Variants in NDUFS2 observed in about 807,000 individuals in gnomAD.
NDUFS2 encodes NADH dehydrogenase [ubiquinone] iron-sulfur protein 2, mitochondrial.
In NDUFS2, 38 loss-of-function variants were observed where a neutral mutation model predicts 69.6. The observed-to-expected ratio is 0.55, with a 90% CI of 0.42 to 0.72. NDUFS2 has a LOEUF of 0.72. Among genes scored for constraint, NDUFS2 ranks in the 30% least tolerant of loss-of-function variants. The probability of loss-of-function intolerance (pLI) is 0.00; values close to 1 mark genes in which losing one functional copy is unlikely to be tolerated. For missense variants in NDUFS2, 468 were observed against 595.0 expected, an observed-to-expected ratio of 0.79 and a Z score of 2.22; for synonymous variants, 194 against 211.2, an observed-to-expected ratio of 0.92 and a Z score of 0.70.
intron 3 of NDUFS2, among the ~76,000 whole-genome samples, chr1:161,207,016 A>G (rs16832694): frequency 0.072 from 10,926 of 152,278 alleles, 445 homozygotes; most frequent in South Asian, 0.14. Flanking sequence ...AAAACATTCA[A>G]TGAGTCACAG....
chr1:161,209,357 A>C lies in NDUFS2; in HGVS notation c.514+44A>C, dbSNP rs200342148. The C allele has an allele frequency of 2.0e-5, 33 of 1,613,920 alleles. No homozygotes were observed. In the African/African-American group the frequency reaches 3.6e-4, roughly 18 times the overall value. The stretch of plus-strand genomic sequence containing the variant: ...TTCTGTGGCCCACTGTGAGCATAGC[A>C]TAGTGCCTTTTCCACCACTTCCCCG... On this transcript the variant is annotated intron_variant, in intron 4 of 13. Coordinates refer to ENST00000676972, the MANE Select transcript of NDUFS2 (RefSeq NM_001377299.1).
At chr1:161,208,695 CA>C (rs1425292539) in intron 3 of NDUFS2, among the ~76,000 whole-genome samples, 1 of 152,244 alleles carries the variant, frequency 6.6e-6, no homozygotes, top group African/African-American at 2.4e-5. Flanking sequence ...AGTTGTTGAA[CA>C]TAGCCATTGT....
In NDUFS2 at chr1:161,212,285, C is replaced by T. The variant is rs114007509; in HGVS notation, c.987-66C>T. The stretch of plus-strand genomic sequence containing the variant: ...AACCCTTTTGAGGTTGGCCAAAGGG[C>T]ATCCTTCCTAGCCCCATACCTGCTC... On this transcript the variant is annotated intron_variant, in intron 9 of 13. Coordinates refer to ENST00000676972, the MANE Select transcript of NDUFS2 (RefSeq NM_001377299.1). 1.1e-3 allele frequency: 1,781 copies of T among 1,605,548 alleles called. 31 individuals are homozygous for T. In the African/African-American group the frequency reaches 0.021, roughly 19 times the overall value.
chr1:161,211,032 G>A (rs540496927), intron 9 of NDUFS2, among the ~76,000 whole-genome samples: 4 of 152,062 alleles, frequency 2.6e-5, no homozygotes, highest in African/African-American at 4.8e-5. Context: ...GAGCCACCAC[G>A]CTCAGCTAAT....
At chr1:161,198,052 G>T (rs959554011), upstream of NDUFS2, 1 of 1,603,906 alleles carries the variant, frequency 6.2e-7, no homozygotes, top group Non-Finnish European at 8.5e-7. The surrounding 1 kb of genome is among the most constrained non-coding windows in gnomAD (Gnocchi z 4.7). Context: ...CGTTGCACAT[G>T]GGACCTTGAC....
Position 161,207,851 on chromosome 1 carries a change from C to T in NDUFS2, c.393+1254C>T, listed in dbSNP as rs375261708. 6.6e-5 allele frequency among the ~76,000 whole-genome samples: 10 copies of T among 150,894 alleles called. No homozygotes were observed. The South Asian group carries it at 1.7e-3, about 25-fold the overall frequency. ...TTTTCCCTACGGAGTCTCGCTCTGTCGCCCAGGCTGGAGTGCAGTGGCGTG... is the reference window on the plus strand; with the variant it reads ...TTTTCCCTACGGAGTCTCGCTCTGTTGCCCAGGCTGGAGTGCAGTGGCGTG... On this transcript the variant is annotated intron_variant, in intron 3 of 13. Transcript: ENST00000676972.
chr1:161,204,851 G>C (rs1665369295), intron 2 of NDUFS2, among the ~76,000 whole-genome samples: 1 of 152,128 alleles, frequency 6.6e-6, no homozygotes, highest in Non-Finnish European at 1.5e-5. Context: ...AGGAGTTCAA[G>C]ACCAGCCTGG....
chr1:161,208,119 G>A (rs1434438638), intron 3 of NDUFS2, among the ~76,000 whole-genome samples: 1 of 151,300 alleles, frequency 6.6e-6, no homozygotes, highest in Non-Finnish European at 1.5e-5. Context: ...CAAATAGCTG[G>A]GATTACAGGT....
chr1:161,211,701 C>A (rs77230296), intron 9 of NDUFS2, among the ~76,000 whole-genome samples: 11,437 of 150,258 alleles, frequency 0.076, 479 homozygotes, highest in South Asian at 0.17. Context: ...GTTTTCTCAC[C>A]CTGAGTCAGA....
rs774162709 is a variant in NDUFS2 at position 161,203,499 on chromosome 1, A to G, written c.158A>G (p.Tyr53Cys). The change falls in exon 2 of 14, where the codon TAC (tyrosine) becomes TGC (cysteine). Residue 53 changes from tyrosine (Y) to cysteine (C), a missense_variant. Physicochemically the swap from Tyr to Cys is radical, Grantham distance 194. Around this residue, in one of 3 missense-constraint regions of NDUFS2, gnomAD observed 339 missense variants for 433.8 expected, o/e 0.78. Transcript: ENST00000676972. ...WAQQFGGAVM[Y>C]PSKETAHWKP... ...CAGCAGTTTGGGGGAGCTGTTATGTACCCAAGCAAAGAAACAGCCCACTGG... is the reference window on the plus strand; with the variant it reads ...CAGCAGTTTGGGGGAGCTGTTATGTGCCCAAGCAAAGAAACAGCCCACTGG... The G allele has an allele frequency of 3.2e-5, 51 of 1,613,924 alleles. No homozygotes were observed. Among genetic ancestry groups the G allele is most frequent in the Non-Finnish European group, 4.1e-5 (48 of 1,180,010 alleles).
At chr1:161,203,847 C>T (rs1429076775) in intron 2 of NDUFS2, 2 of 401,782 alleles carry the variant, frequency 5.0e-6, no homozygotes, top group East Asian at 1.1e-4. Context: ...GGTAATCCTC[C>T]CAACTCAGCC....
intron 3 of NDUFS2, among the ~76,000 whole-genome samples, chr1:161,207,217 A>G (rs1004222499): frequency 6.6e-6 from 1 of 152,212 alleles, no homozygotes; most frequent in Non-Finnish European, 1.5e-5. Context: ...CGGGGTGAAC[A>G]GTGACTAGAA....
intron 3 of NDUFS2, among the ~76,000 whole-genome samples, chr1:161,206,844 G>T (rs1665496220): frequency 6.6e-6 from 1 of 152,172 alleles, no homozygotes; most frequent in Non-Finnish European, 1.5e-5. Flanking sequence ...TGACTTTTTG[G>T]CAGGCCCCTT....
intron 10 of NDUFS2, chr1:161,212,755 C>T: frequency 2.7e-6 from 1 of 370,648 alleles, no homozygotes; most frequent in East Asian, 6.8e-5. Flanking sequence ...GACAGGGTTT[C>T]ACCATATTGG....
At chr1:161,211,059 G>A (rs1461687114) in intron 9 of NDUFS2, among the ~76,000 whole-genome samples, 4 of 152,126 alleles carry the variant, frequency 2.6e-5, no homozygotes, top group Non-Finnish European at 4.4e-5. Context: ...ATTTTTAGTA[G>A]AGACGGGATT....
At chr1:161,212,325 C>T (rs1254534404) in intron 9 of NDUFS2, 26 bp from the exon 10 acceptor site, 2 of 1,613,022 alleles carry the variant, frequency 1.2e-6, no homozygotes, top group Non-Finnish European at 1.7e-6. Flanking sequence ...GACTGTTCTT[C>T]TCTTGCTCTG....
Position 161,209,355 on chromosome 1 carries a change from G to A in NDUFS2, c.514+42G>A, listed in dbSNP as rs1665645539. ...TTTTCTGTGGCCCACTGTGAGCATAGCATAGTGCCTTTTCCACCACTTCCC... is the reference window on the plus strand; with the variant it reads ...TTTTCTGTGGCCCACTGTGAGCATAACATAGTGCCTTTTCCACCACTTCCC... On this transcript the variant is annotated intron_variant, in intron 4 of 13. Transcript: ENST00000676972. 3.7e-6 allele frequency: 6 copies of A among 1,613,920 alleles called. No individual in the cohort carries two copies. The African/African-American group carries it at 5.3e-5, about 14-fold the overall frequency.
At chr1:161,202,549 C>T in intron 1 of NDUFS2, 69 bp downstream of exon 1, 2 of 1,428,410 alleles carry the variant, frequency 1.4e-6, no homozygotes, top group East Asian at 2.4e-5. Context: ...GGACGCTTTA[C>T]TCCCCCAGAA....
Position 161,212,384 on chromosome 1 carries a change from C to T in NDUFS2, c.1020C>T (p.Ser340=). The part of the protein sequence containing the change: ...YLCRVEEMRQ[S]LRIIAQCLNK... ...GCCGGGTGGAGGAGATGCGCCAGTC[C>T]CTGAGAATTATCGCACAGTGTCTAA... The change falls in exon 10 of 14, where the codon TCC becomes TCT. Residue 340 remains serine, a synonymous_variant. Coordinates refer to ENST00000676972, the MANE Select transcript of NDUFS2 (RefSeq NM_001377299.1). 6.2e-7 allele frequency: 1 copy of T among 1,613,660 alleles called. No homozygotes were observed. Among genetic ancestry groups the T allele is most frequent in the Non-Finnish European group, 8.5e-7 (1 of 1,179,790 alleles).
Sources: gnomAD v4.1 joint callset for allele counts (sites outside exome capture counted in the v4.1 genomes callset) on GRCh38, gnomAD v4.1.1 for gene constraint, gnomAD v4.1.1 regional missense constraint, Gnocchi (gnomAD v3.1) non-coding constraint, MANE v1.5 for transcripts, NCBI Gene and HGNC (gene_info 2026-07-23, HGNC 2026-07-21) for gene names.